Variants in GFPT1 observed in about 807,000 individuals in gnomAD.
GFPT1 encodes glutamine--fructose-6-phosphate transaminase 1.
Under a neutral mutation model 92.0 loss-of-function variants are expected in GFPT1, and 40 were observed. The observed-to-expected ratio is 0.43, with a 90% CI of 0.34 to 0.57. The LOEUF is 0.57. GFPT1 is among the 20% of genes least tolerant of loss of function. The probability of loss-of-function intolerance (pLI) is 0.02; values close to 1 mark genes in which losing one functional copy is unlikely to be tolerated. For missense variants in GFPT1, 448 were observed against 869.1 expected, an observed-to-expected ratio of 0.52 and a Z score of 6.09; for synonymous variants, 269 against 280.6, an observed-to-expected ratio of 0.96 and a Z score of 0.41.
At chr2:69,376,039 T>C (rs1315251256) in intron 1 of GFPT1, among the ~76,000 whole-genome samples, 1 of 152,242 alleles carries the variant, frequency 6.6e-6, no homozygotes, top group Non-Finnish European at 1.5e-5. Context: ...CTTCATGAAG[T>C]ATCTGTAATA....
chr2:69,357,099 C>G (rs1434853261), intron 6 of GFPT1, among the ~76,000 whole-genome samples: 3 of 152,158 alleles, frequency 2.0e-5, no homozygotes, highest in African/African-American at 7.2e-5. Flanking sequence ...AAAAATAGAT[C>G]ATTTAAAAAG....
intron 15 of GFPT1, among the ~76,000 whole-genome samples, chr2:69,335,749 G>T (rs1242200445): frequency 6.6e-6 from 1 of 152,156 alleles, no homozygotes; most frequent in African/African-American, 2.4e-5. Context: ...TCTCACTCAA[G>T]AGTTTTTATG....
At chr2:69,337,876 G>C in intron 15 of GFPT1, 22 bp downstream of exon 15, 1 of 1,599,250 alleles carries the variant, frequency 6.3e-7, no homozygotes, top group Non-Finnish European at 8.6e-7. Flanking sequence ...ATAATCATCA[G>C]AGAAATGAGT....
chr2:69,342,614 G>A (rs954061283), intron 12 of GFPT1, among the ~76,000 whole-genome samples: 1 of 152,204 alleles, frequency 6.6e-6, no homozygotes, highest in African/African-American at 2.4e-5. Context: ...TGGAGCTGGA[G>A]GAGGGGTTGA....
At chr2:69,378,107 G>A (rs1671922781) in intron 1 of GFPT1, among the ~76,000 whole-genome samples, 1 of 152,196 alleles carries the variant, frequency 6.6e-6, no homozygotes, top group Admixed American at 6.5e-5. Flanking sequence ...CCAGGTTCCA[G>A]CAATTCTCCT....
At chr2:69,343,457 C>A (rs1395020318) in intron 12 of GFPT1, among the ~76,000 whole-genome samples, 4 of 151,656 alleles carry the variant, frequency 2.6e-5, no homozygotes, top group African/African-American at 9.7e-5. Context: ...GTAGCCCAAG[C>A]TGGAGTGCAG....
At chr2:69,347,163 A>G (rs1671102345) in intron 11 of GFPT1, among the ~76,000 whole-genome samples, 1 of 151,334 alleles carries the variant, frequency 6.6e-6, no homozygotes, top group Non-Finnish European at 1.5e-5. Context: ...TGCCTGCTTC[A>G]GCCTCCCAAA....
chr2:69,372,798 T>C (rs1671783084), intron 2 of GFPT1, among the ~76,000 whole-genome samples: 1 of 152,172 alleles, frequency 6.6e-6, no homozygotes, highest in African/African-American at 2.4e-5. Flanking sequence ...CATGTGGCAA[T>C]GTTAAGTGTA....
At chr2:69,385,586 A>G (rs1384011736) in intron 1 of GFPT1, among the ~76,000 whole-genome samples, 2 of 151,070 alleles carry the variant, frequency 1.3e-5, no homozygotes, top group African/African-American at 4.9e-5. Flanking sequence ...TTTTTCTTGG[A>G]ACATGATGAA....
intron 15 of GFPT1, among the ~76,000 whole-genome samples, chr2:69,336,832 A>G (rs1670812062): frequency 6.6e-6 from 1 of 151,840 alleles, no homozygotes; most frequent in Non-Finnish European, 1.5e-5. Flanking sequence ...CCCCAAAAAA[A>G]CACTTGTGGA....
At chr2:69,375,771 G>C (rs1287927875) in intron 1 of GFPT1, among the ~76,000 whole-genome samples, 1 of 152,218 alleles carries the variant, frequency 6.6e-6, no homozygotes, top group Non-Finnish European at 1.5e-5. Flanking sequence ...AATAGAAATT[G>C]AGTTAACTGA....
chr2:69,343,708 A>G (rs568868666), intron 12 of GFPT1, among the ~76,000 whole-genome samples: 2 of 152,276 alleles, frequency 1.3e-5, no homozygotes, highest in Admixed American at 1.3e-4. Flanking sequence ...CACCACGCCC[A>G]GCCAGTCCAC....
chr2:69,373,330 T>C (rs1274613172), intron 2 of GFPT1, among the ~76,000 whole-genome samples: 2 of 152,114 alleles, frequency 1.3e-5, no homozygotes, highest in African/African-American at 4.8e-5. Context: ...TTATTTAAGA[T>C]AGATGAGGCT....
chr2:69,386,202 C>T (rs562830430), intron 1 of GFPT1, among the ~76,000 whole-genome samples: 5 of 150,678 alleles, frequency 3.3e-5, no homozygotes, highest in Admixed American at 6.6e-5. Flanking sequence ...ACACTTAGGT[C>T]ATAATAAACG....
chr2:69,345,665 C>T (rs1671064906), intron 12 of GFPT1, among the ~76,000 whole-genome samples: 1 of 152,202 alleles, frequency 6.6e-6, no homozygotes, highest in South Asian at 2.1e-4. Flanking sequence ...ATTTCCCCTC[C>T]CCACAGCCCT....
chr2:69,335,211 T>TG (rs1670766098), intron 15 of GFPT1, among the ~76,000 whole-genome samples: 1 of 152,120 alleles, frequency 6.6e-6, no homozygotes, highest in Non-Finnish European at 1.5e-5. Flanking sequence ...CTCACTCTGA[T>TG]GCCTCGGCTG....
intron 6 of GFPT1, among the ~76,000 whole-genome samples, chr2:69,357,553 G>C (rs552341894): frequency 6.6e-6 from 1 of 152,294 alleles, no homozygotes; most frequent in Admixed American, 6.5e-5. Context: ...GGAAGGAATA[G>C]GCCTCTACAT....
At chr2:69,342,830 T>A (rs1233710178) in intron 12 of GFPT1, among the ~76,000 whole-genome samples, 1 of 152,234 alleles carries the variant, frequency 6.6e-6, no homozygotes, top group East Asian at 1.9e-4. Context: ...TCCCCTCTGG[T>A]GCCCAGAAAG....
chr2:69,338,548 C>T lies in GFPT1; in HGVS notation c.1221G>A (p.Glu407=). 1 of 1,613,960 alleles carries T rather than the reference C, an allele frequency of 6.2e-7. No individual in the cohort carries two copies. Among genetic ancestry groups the T allele is most frequent in the Non-Finnish European group, 8.5e-7 (1 of 1,179,852 alleles). ...CCATCACAGGCAACTCAGTCAGCTCCTCAAGAACTTGACGTGTCTGCAGAG... is the reference window on the plus strand; with the variant it reads ...CCATCACAGGCAACTCAGTCAGCTCTTCAAGAACTTGACGTGTCTGCAGAG... The part of the protein sequence containing the change: ...HAGVATRQVL[E]ELTELPVMVE... Residue 407 remains glutamate, a synonymous_variant, in exon 14 of 20, where the codon GAG becomes GAA. Transcript: ENST00000357308.
Sources: allele counts gnomAD v4.1 joint callset (sites outside exome capture counted in the v4.1 genomes callset), GRCh38; gene constraint gnomAD v4.1.1; transcripts MANE v1.5; gene names NCBI Gene and HGNC (gene_info 2026-07-23, HGNC 2026-07-21).